The following STPG2 variants were observed in gnomAD, a reference collection of about 807,000 sequenced individuals.
STPG2 encodes the protein sperm tail PG-rich repeat containing 2, also known as sperm-tail PG-rich repeat-containing protein 2.
A neutral mutation model predicts 54.2 loss-of-function variants in STPG2; 56 were observed. The observed-to-expected ratio is 1.03, with a 90% confidence interval of 0.83 to 1.29. The LOEUF (loss-of-function observed/expected upper bound fraction) is 1.29, where lower values mean the gene tolerates loss of function less well. Ranked by LOEUF, STPG2 falls within the 50% of genes most tolerant of loss-of-function variation. The pLI is 0.00. For synonymous variants in STPG2, 200 were observed against 181.8 expected, an observed-to-expected ratio of 1.10 and a Z score of -0.81; for missense variants, 596 against 544.9, an observed-to-expected ratio of 1.09 and a Z score of -0.93.
chr4:97,599,210 G>C (rs770695943), intron 10 of STPG2, among the ~76,000 whole-genome samples: 2 of 152,160 alleles, frequency 1.3e-5, no homozygotes, highest in Non-Finnish European at 2.9e-5. Flanking sequence ...TCTCACACCA[G>C]TCAGAGTGAC....
intron 3 of STPG2, among the ~76,000 whole-genome samples, chr4:98,114,138 A>C (rs1263097636): frequency 2.6e-5 from 4 of 152,090 alleles, no homozygotes; most frequent in African/African-American, 7.2e-5. Flanking sequence ...ACCTAGCCAA[A>C]CAACACTTTC....
At chr4:98,118,991 A>G (rs1261265564) in intron 3 of STPG2, among the ~76,000 whole-genome samples, 1 of 152,170 alleles carries the variant, frequency 6.6e-6, no homozygotes, top group African/African-American at 2.4e-5. Flanking sequence ...ATGCCAACAA[A>G]TAAAGGTTAA....
intron 9 of STPG2, among the ~76,000 whole-genome samples, chr4:97,811,708 A>G (rs1727747616): frequency 6.6e-6 from 1 of 152,142 alleles, no homozygotes; most frequent in African/African-American, 2.4e-5. Flanking sequence ...AACTAATTGA[A>G]ATAGGCTTGG....
intron 10 of STPG2, among the ~76,000 whole-genome samples, chr4:97,559,517 G>C (rs1732167976): frequency 6.6e-6 from 1 of 152,164 alleles, no homozygotes; most frequent in Non-Finnish European, 1.5e-5. Flanking sequence ...ACTGTTTCAA[G>C]TCAAACCTTT....
At chr4:97,654,552 C>T (rs1292405171) in intron 10 of STPG2, among the ~76,000 whole-genome samples, 1 of 152,062 alleles carries the variant, frequency 6.6e-6, no homozygotes, top group Non-Finnish European at 1.5e-5. Context: ...ATCCTTTTCT[C>T]CACATTACAC....
chr4:98,086,651 C>G (rs1031516592), intron 5 of STPG2, among the ~76,000 whole-genome samples: 5 of 117,318 alleles, frequency 4.3e-5, no homozygotes, highest in Admixed American at 2.9e-4. Flanking sequence ...ATAATGAATC[C>G]ACAGATGCAT....
intron 4 of STPG2, among the ~76,000 whole-genome samples, chr4:97,513,834 T>C (rs913495521): frequency 3.3e-5 from 5 of 152,042 alleles, no homozygotes; most frequent in African/African-American, 7.2e-5. Flanking sequence ...TTTCTGACAG[T>C]TTTCATGATA....
chr4:97,864,394 G>A (rs928802559), intron 8 of STPG2, among the ~76,000 whole-genome samples: 24 of 152,240 alleles, frequency 1.6e-4, no homozygotes, highest in Non-Finnish European at 2.8e-4. Flanking sequence ...GGACGTGAAG[G>A]ATCTCTTCAA....
chr4:98,045,289 C>A (rs1027670301), intron 5 of STPG2, among the ~76,000 whole-genome samples: 12 of 152,020 alleles, frequency 7.9e-5, no homozygotes, highest in African/African-American at 2.9e-4. Context: ...GGTTTTAGGT[C>A]TTGATTTATG....
chr4:98,120,183 C>T lies in STPG2; in HGVS notation c.387+8245G>A, dbSNP rs544532730. Reference sequence around the variant, plus strand: ...GCAACCTCTACCTCCCAGGTTCAAGCGATTCTTCTGCCTCAGCCTCCCGAG... The same window carrying T: ...GCAACCTCTACCTCCCAGGTTCAAGTGATTCTTCTGCCTCAGCCTCCCGAG... On this transcript the variant is annotated intron_variant, in intron 3 of 10. Transcript: ENST00000295268. 9.2e-5 allele frequency among the ~76,000 whole-genome samples: 14 copies of T among 152,196 alleles called. No individual in the cohort carries two copies. In the South Asian group the frequency reaches 1.0e-3, roughly 11 times the overall value.
chr4:97,674,773 T>C (rs1722789877), intron 10 of STPG2, among the ~76,000 whole-genome samples: 1 of 152,190 alleles, frequency 6.6e-6, no homozygotes, highest in Admixed American at 6.5e-5. Context: ...ATATGTATTT[T>C]CAAATAACTT....
Position 97,672,096 on chromosome 4 carries a change from T to G in STPG2, c.1320+40603A>C, listed in dbSNP as rs529836367. ...GTCACAAAAAAAATTAAACAGAAGG[T>G]TTTCATTTCCATTTTACATGGTAAA... On this transcript the variant is annotated intron_variant, in intron 10 of 10. Transcript: ENST00000295268. Among the ~76,000 whole-genome samples, 3 of 152,026 alleles carry G rather than the reference T, an allele frequency of 2.0e-5. No homozygotes were observed. The South Asian group carries it at 6.2e-4, about 32-fold the overall frequency.
chr4:97,624,423 T>C (rs1286017527), intron 10 of STPG2, among the ~76,000 whole-genome samples: 1 of 152,204 alleles, frequency 6.6e-6, no homozygotes, highest in Admixed American at 6.5e-5. Flanking sequence ...AAATGTCTTC[T>C]TTTGAGAAGT....
intron 8 of STPG2, among the ~76,000 whole-genome samples, chr4:97,881,598 T>C (rs1047514601): frequency 2.6e-5 from 4 of 152,120 alleles, no homozygotes. Flanking sequence ...TTCTGCCTCA[T>C]TTACCATGAG....
At chr4:97,961,024 G>T (rs1038989888) in intron 7 of STPG2, among the ~76,000 whole-genome samples, 2 of 151,234 alleles carry the variant, frequency 1.3e-5, no homozygotes, top group African/African-American at 4.9e-5. Context: ...ACAGAATAGA[G>T]AACTCGGAAA....
chr4:97,666,495 T>G (rs1054690446), intron 10 of STPG2, among the ~76,000 whole-genome samples: 2 of 152,248 alleles, frequency 1.3e-5, no homozygotes, highest in African/African-American at 2.4e-5. Flanking sequence ...ATAAGTAATA[T>G]ATACAGAAAT....
intron 4 of STPG2, among the ~76,000 whole-genome samples, chr4:97,475,356 T>G (rs1419514272): frequency 6.6e-6 from 1 of 151,584 alleles, no homozygotes; most frequent in African/African-American, 2.4e-5. Flanking sequence ...TATTTGTATA[T>G]TAGGTGTGTT....
chr4:98,020,151 G>A (rs886531364), intron 5 of STPG2, among the ~76,000 whole-genome samples: 26 of 131,354 alleles, frequency 2.0e-4, no homozygotes, highest in Middle Eastern at 3.8e-3. Flanking sequence ...ATTGGCTGTG[G>A]GTTTGTCATA....
chr4:97,845,928 G>T (rs1728935939), intron 8 of STPG2, among the ~76,000 whole-genome samples: 1 of 152,112 alleles, frequency 6.6e-6, no homozygotes, highest in African/African-American at 2.4e-5. Context: ...AAGAGAAAAA[G>T]AAAGAATTTG....
Sources: gnomAD v4.1 joint callset for allele counts (sites outside exome capture counted in the v4.1 genomes callset) on GRCh38, gnomAD v4.1.1 for gene constraint, MANE v1.5 for transcripts, NCBI Gene and HGNC (gene_info 2026-07-23, HGNC 2026-07-21) for gene names.